Variants in AKT3 observed in about 807,000 individuals in gnomAD.
AKT3 encodes the protein RAC-gamma serine/threonine-protein kinase.
In AKT3, 15 loss-of-function variants were observed where a neutral mutation model predicts 65.3. That is an observed-to-expected ratio of 0.23 (90% CI 0.15 to 0.35). AKT3 has a LOEUF of 0.35. Ranked by LOEUF, AKT3 falls within the 10% of genes least tolerant of loss-of-function variation. The pLI is 1.00. For missense variants in AKT3, 243 were observed against 576.5 expected (o/e 0.42, Z 5.92); for synonymous variants, 206 against 183.8 (o/e 1.12, Z -0.98).
intron 3 of AKT3, chr1:243,687,606 C>T (rs1684411947): frequency 6.6e-6 from 1 of 151,582 alleles, no homozygotes; most frequent in Non-Finnish European, 1.5e-5. Flanking sequence ...ATGGGATACA[C>T]TTTTTCTGTT....
intron 2 of AKT3, among the ~76,000 whole-genome samples, chr1:243,839,220 C>T (rs571186176): frequency 6.6e-6 from 1 of 152,028 alleles, no homozygotes; most frequent in Admixed American, 6.5e-5. Context: ...TTTATTAATA[C>T]ACTAAGTACC....
chr1:243,521,272 T>C (rs566498503), intron 12 of AKT3, among the ~76,000 whole-genome samples: 2 of 152,200 alleles, frequency 1.3e-5, no homozygotes, highest in East Asian at 1.9e-4. Flanking sequence ...CAGTAAAGAA[T>C]TGCCAACACT....
chr1:243,721,898 T>C (rs1243362741), intron 2 of AKT3, among the ~76,000 whole-genome samples: 1 of 152,156 alleles, frequency 6.6e-6, no homozygotes, highest in East Asian at 1.9e-4. Context: ...AGAAAAGATA[T>C]AAGTAACCTA....
At chr1:243,578,812 GA>G (rs1675129225) in intron 8 of AKT3, among the ~76,000 whole-genome samples, 1 of 152,190 alleles carries the variant, frequency 6.6e-6, no homozygotes, top group South Asian at 2.1e-4. Flanking sequence ...AAAAGTTACT[GA>G]TCACCACTGT....
chr1:243,829,280 G>A (rs967474917), intron 2 of AKT3, among the ~76,000 whole-genome samples: 1 of 151,910 alleles, frequency 6.6e-6, no homozygotes. Flanking sequence ...TCTTTTAAAG[G>A]AGAATATATT....
At chr1:243,563,688 G>C in intron 10 of AKT3, 32 bp downstream of exon 10, 1 of 1,578,216 alleles carries the variant, frequency 6.3e-7, no homozygotes, top group Non-Finnish European at 8.6e-7. Flanking sequence ...TTATGTCAAT[G>C]TTACTTTCCT....
chr1:243,526,778 TTAAAAAAAAAAAAAAAAAAAAAA>T (rs1392628691), intron 12 of AKT3, among the ~76,000 whole-genome samples: 3 of 55,726 alleles, frequency 5.4e-5, no homozygotes, highest in African/African-American at 6.1e-5. Flanking sequence ...CAAAAAATGG[TTAAAAAAAAAAAAAAAAAAAAAA>T]AAAAAAAAAA....
chr1:243,490,089 A>G (rs1237465087), intron 13 of AKT3, among the ~76,000 whole-genome samples: 2 of 152,230 alleles, frequency 1.3e-5, no homozygotes, highest in African/African-American at 4.8e-5. Flanking sequence ...AATGATTAAT[A>G]TGAAAAATGC....
chr1:243,664,734 T>C, intron 4 of AKT3, 38 bp downstream of exon 4: 1 of 1,067,284 alleles, frequency 9.4e-7, no homozygotes, highest in Non-Finnish European at 1.3e-6. Context: ...AGATTGAGTG[T>C]TGCTTTTTCA....
chr1:243,529,735 C>T (rs1671398641), intron 12 of AKT3, among the ~76,000 whole-genome samples: 1 of 152,128 alleles, frequency 6.6e-6, no homozygotes, highest in Non-Finnish European at 1.5e-5. Flanking sequence ...ATGTCTCTGG[C>T]TTTGTTCTTT....
At chr1:243,829,385 A>G (rs983140350) in intron 2 of AKT3, among the ~76,000 whole-genome samples, 1 of 152,184 alleles carries the variant, frequency 6.6e-6, no homozygotes, top group African/African-American at 2.4e-5. Context: ...CTTGAATGGG[A>G]AAAGTCTGAC....
intron 13 of AKT3, among the ~76,000 whole-genome samples, chr1:243,507,859 A>G (rs1669768273): frequency 6.6e-6 from 1 of 152,240 alleles, no homozygotes; most frequent in South Asian, 2.1e-4. Flanking sequence ...ATCAATGGCG[A>G]TAACGAAAGA....
chr1:243,753,270 T>A (rs544346401), intron 2 of AKT3, among the ~76,000 whole-genome samples: 1 of 152,202 alleles, frequency 6.6e-6, no homozygotes, highest in South Asian at 2.1e-4. Flanking sequence ...GTGTAAAAAA[T>A]TAAAGTAAAA....
chr1:243,513,534 A>T (rs1203817999), intron 12 of AKT3, among the ~76,000 whole-genome samples: 2 of 152,248 alleles, frequency 1.3e-5, no homozygotes, highest in Non-Finnish European at 2.9e-5. Flanking sequence ...GAAAATCTTT[A>T]AATTATTCTC....
chr1:243,733,925 C>T (rs1295004011), intron 2 of AKT3, among the ~76,000 whole-genome samples: 1 of 152,114 alleles, frequency 6.6e-6, no homozygotes, highest in Non-Finnish European at 1.5e-5. Flanking sequence ...AAACAAAGCA[C>T]AATAAACTGA....
chr1:243,539,088 C>T (rs541384680), intron 12 of AKT3, among the ~76,000 whole-genome samples: 1 of 152,196 alleles, frequency 6.6e-6, no homozygotes, highest in South Asian at 2.1e-4. Flanking sequence ...ACTGGTAGAA[C>T]AATTTATGCA....
intron 7 of AKT3, 117 bp from the exon 8 acceptor site, chr1:243,613,856 T>C (rs1001432674): frequency 3.3e-6 from 2 of 599,032 alleles, no homozygotes; most frequent in African/African-American, 1.9e-5. Context: ...AGAATTGTTA[T>C]TGTTTAAGAG....
At chr1:243,696,684 T>C (rs763596723) in intron 2 of AKT3, among the ~76,000 whole-genome samples, 1 of 152,006 alleles carries the variant, frequency 6.6e-6, no homozygotes, top group African/African-American at 2.4e-5. Context: ...ACCCAACATC[T>C]GAAGGTTCCC....
chr1:243,519,308 G>A (rs1478251116), intron 12 of AKT3, among the ~76,000 whole-genome samples: 1 of 152,158 alleles, frequency 6.6e-6, no homozygotes, highest in Non-Finnish European at 1.5e-5. Context: ...ATCGGCTGCA[G>A]ACAAGAGCAG....
Sources: allele counts gnomAD v4.1 joint callset (sites outside exome capture counted in the v4.1 genomes callset), GRCh38; gene constraint gnomAD v4.1.1; transcripts MANE v1.5; gene names NCBI Gene and HGNC (gene_info 2026-07-23, HGNC 2026-07-21).